HECW2: variants seen among roughly 807,000 people sequenced by gnomAD.
The protein encoded by HECW2 is E3 ubiquitin-protein ligase HECW2.
Under a neutral mutation model 175.2 loss-of-function variants are expected in HECW2, and 61 were observed. The observed-to-expected ratio is 0.35, with a 90% CI of 0.28 to 0.43. HECW2 has a LOEUF of 0.43. Among genes scored for constraint, HECW2 ranks in the 20% least tolerant of loss-of-function variants. The pLI is 1.00. For missense variants in HECW2, 1,524 were observed against 2,000.5 expected (o/e 0.76, Z 4.54); for synonymous variants, 671 against 731.0 (o/e 0.92, Z 1.32).
intron 2 of HECW2, among the ~76,000 whole-genome samples, chr2:196,379,668 G>A (rs1320317972): frequency 1.8e-4 from 24 of 132,430 alleles, no homozygotes; most frequent in Non-Finnish European, 3.1e-4. Context: ...CTGGGCGACA[G>A]AGCAATACTC....
chr2:196,326,895 CATT>C (rs1366014378), intron 5 of HECW2, among the ~76,000 whole-genome samples: 1 of 152,180 alleles, frequency 6.6e-6, no homozygotes, highest in East Asian at 1.9e-4. Context: ...ACTATGTACT[CATT>C]ATTAAATGCA....
In HECW2 at chr2:196,242,084, T is replaced by A; in HGVS notation, c.3650A>T (p.Lys1217Met). The change falls in exon 20 of 29, where the codon AAG becomes ATG. Residue 1217 changes from lysine (K) to methionine (M), a missense_variant and splice_region_variant. By Grantham distance (95) the Lys-to-Met change is moderately conservative. Transcript: ENST00000644978. ...KGYGQGPGKL[K>M]LIIRRDHLLE... ...TGTGGTTTGTGTCACTTTGACTTAC[T>A]TTAACTTCCCTGGGCCTTGTCCATA... 6.2e-7 allele frequency: 1 copy of A among 1,614,110 alleles called. No individual in the cohort carries two copies. The highest frequency in any genetic ancestry group is 2.2e-5 in the East Asian group (1 of 44,880).
At chr2:196,201,722 C>A (rs1265263981) in intron 28 of HECW2, among the ~76,000 whole-genome samples, 3 of 151,762 alleles carry the variant, frequency 2.0e-5, no homozygotes, top group African/African-American at 7.3e-5. Context: ...TCTTTTGATG[C>A]TAGATTTTTT....
At position 196,407,009 on chromosome 2, in the gene HECW2, C is replaced by T. The variant is rs148988273; in HGVS notation, c.292+26123G>A. Among the ~76,000 whole-genome samples the T allele has an allele frequency of 1.8e-3, 280 of 152,214 alleles. 1 individual carries two copies. The highest frequency in any genetic ancestry group is 6.2e-3 in the African/African-American group (257 of 41,512). ...AATGTAAGCTCCACAAGTTGGGAGA[C>T]GCTCTGTTGTATTTATTGCCATATC... On this transcript the variant is annotated intron_variant, in intron 2 of 28. Transcript: ENST00000644978.
chr2:196,458,643 G>A (rs541972799), intron 1 of HECW2, among the ~76,000 whole-genome samples: 1 of 152,262 alleles, frequency 6.6e-6, no homozygotes, highest in African/African-American at 2.4e-5. Context: ...CGAGGCGGGT[G>A]GATCACGAGG....
intron 2 of HECW2, among the ~76,000 whole-genome samples, chr2:196,421,874 CA>C (rs564879889): frequency 6.6e-6 from 1 of 152,050 alleles, no homozygotes; most frequent in Non-Finnish European, 1.5e-5. Context: ...TTGGCTACAC[CA>C]ACCTATGCAA....
intron 1 of HECW2, among the ~76,000 whole-genome samples, chr2:196,457,908 G>A (rs1165691475): frequency 6.6e-6 from 1 of 152,132 alleles, no homozygotes; most frequent in East Asian, 1.9e-4. Flanking sequence ...AAGCATTATG[G>A]TATTTGATCT....
chr2:196,379,851 A>C (rs1316351850), intron 2 of HECW2, among the ~76,000 whole-genome samples: 1 of 151,516 alleles, frequency 6.6e-6, no homozygotes, highest in Non-Finnish European at 1.5e-5. Context: ...TGCAAGAGCC[A>C]TAAATTTATG....
chr2:196,315,149 AGTGTGTGTGTGTGTGTGT>A (rs58473650), intron 10 of HECW2, among the ~76,000 whole-genome samples: 82 of 144,822 alleles, frequency 5.7e-4, no homozygotes, highest in African/African-American at 1.7e-3. Flanking sequence ...CGAGTGTATG[AGTGTGTGTGTGTGTGTGT>A]GTGTGTGTGT....
At chr2:196,398,015 T>C (rs1328211937) in intron 2 of HECW2, among the ~76,000 whole-genome samples, 2 of 152,008 alleles carry the variant, frequency 1.3e-5, no homozygotes, top group Admixed American at 6.6e-5. Context: ...AAGTGGAGTC[T>C]TTTATAATAA....
intron 19 of HECW2, among the ~76,000 whole-genome samples, chr2:196,249,238 T>G (rs1688769756): frequency 6.6e-6 from 1 of 152,220 alleles, no homozygotes; most frequent in Non-Finnish European, 1.5e-5. Flanking sequence ...GGTCCCATAT[T>G]TGGCATAATA....
At chr2:196,424,955 A>G (rs1695501514) in intron 2 of HECW2, among the ~76,000 whole-genome samples, 1 of 149,862 alleles carries the variant, frequency 6.7e-6, no homozygotes, top group African/African-American at 2.4e-5. Flanking sequence ...GCTAGAGGAG[A>G]TGTCAATGTC....
At chr2:196,473,011 G>A (rs1350484207) in intron 1 of HECW2, among the ~76,000 whole-genome samples, 3 of 152,130 alleles carry the variant, frequency 2.0e-5, no homozygotes, top group African/African-American at 7.2e-5. Flanking sequence ...ATTTCATAAT[G>A]AAATTGTAGA....
At chr2:196,464,300 G>A (rs1696861750) in intron 1 of HECW2, among the ~76,000 whole-genome samples, 1 of 152,086 alleles carries the variant, frequency 6.6e-6, no homozygotes, top group South Asian at 2.1e-4. Context: ...TTACATAGGA[G>A]GGGAAAAAAT....
intron 1 of HECW2, among the ~76,000 whole-genome samples, chr2:196,504,466 G>A (rs1687684739): frequency 2.0e-5 from 3 of 152,058 alleles, no homozygotes; most frequent in African/African-American, 7.2e-5. Flanking sequence ...TCCAAGCAAG[G>A]ATATATGGCA....
chr2:196,212,895 C>T (rs148344718), intron 28 of HECW2, among the ~76,000 whole-genome samples: 4 of 152,324 alleles, frequency 2.6e-5, no homozygotes, highest in Admixed American at 6.5e-5. Flanking sequence ...AAATGTTAAA[C>T]ATCATTTCAC....
intron 1 of HECW2, among the ~76,000 whole-genome samples, chr2:196,518,248 A>G (rs774533215): frequency 6.6e-6 from 1 of 152,224 alleles, no homozygotes; most frequent in Non-Finnish European, 1.5e-5. Context: ...GCAAAATCAC[A>G]CAAAGACATC....
At chr2:196,222,725 A>C (rs569003221) in intron 23 of HECW2, among the ~76,000 whole-genome samples, 1 of 152,262 alleles carries the variant, frequency 6.6e-6, no homozygotes, top group South Asian at 2.1e-4. Context: ...ATACTACCTT[A>C]AAATACTGTT....
chr2:196,471,644 A>G (rs1434912090), intron 1 of HECW2, among the ~76,000 whole-genome samples: 1 of 152,184 alleles, frequency 6.6e-6, no homozygotes, highest in African/African-American at 2.4e-5. Context: ...CATATAAAAG[A>G]ATGAGATTAT....
Sources: gnomAD v4.1 joint callset for allele counts (sites outside exome capture counted in the v4.1 genomes callset) on GRCh38, gnomAD v4.1.1 for gene constraint, MANE v1.5 for transcripts, NCBI Gene and HGNC (gene_info 2026-07-23, HGNC 2026-07-21) for gene names.